The following KSR2 variants were observed in gnomAD, a reference collection of about 807,000 sequenced individuals.
The protein encoded by KSR2 is kinase suppressor of ras 2.
In KSR2, 25 loss-of-function variants were observed where a neutral mutation model predicts 107.8. That is an observed-to-expected ratio of 0.23 (90% CI 0.17 to 0.32). The LOEUF (loss-of-function observed/expected upper bound fraction) is 0.32, where lower values mean the gene tolerates loss of function less well. KSR2 is among the 10% of genes least tolerant of loss of function. The pLI, the probability that KSR2 is intolerant of heterozygous loss-of-function variation, is 1.00. For missense variants in KSR2, 887 were observed against 1,268.9 expected, an observed-to-expected ratio of 0.70 and a Z score of 4.57; for synonymous variants, 480 against 507.0, an observed-to-expected ratio of 0.95 and a Z score of 0.71.
chr12:117,508,253 T>C (rs1873821744), intron 14 of KSR2, among the ~76,000 whole-genome samples: 1 of 152,212 alleles, frequency 6.6e-6, no homozygotes, highest in Non-Finnish European at 1.5e-5. Flanking sequence ...ACCAGAATGA[T>C]GCTGACCACA....
chr12:117,966,649 G>GCACACACACA (rs1566104140), intron 1 of KSR2, among the ~76,000 whole-genome samples: 1 of 74,734 alleles, frequency 1.3e-5, no homozygotes, highest in Non-Finnish European at 3.3e-5. Context: ...ACACACACAT[G>GCACACACACA]CTGTCTCTCT....
intron 1 of KSR2, among the ~76,000 whole-genome samples, chr12:117,952,106 C>T (rs1896378613): frequency 6.6e-6 from 1 of 151,620 alleles, no homozygotes; most frequent in African/African-American, 2.4e-5. Context: ...GTTAATAATA[C>T]TATACTGCAT....
intron 3 of KSR2, among the ~76,000 whole-genome samples, chr12:117,794,199 GCA>G (rs1160593671): frequency 1.6e-5 from 1 of 62,738 alleles, no homozygotes; most frequent in Non-Finnish European, 2.9e-5. Context: ...CACACACCAT[GCA>G]CACATACACC....
rs1358410236 is a variant in KSR2, at chr12:117,458,833, A to G, written c.*8366T>C. On this transcript the variant is annotated 3_prime_UTR_variant, in exon 20 of 20. Coordinates refer to ENST00000339824, the MANE Select transcript of KSR2 (RefSeq NM_173598.6). ...TTTGAGCCTTCCATTCAGGGAAGAA[A>G]CCAAAGAGCAATTGGAGTCAGGCTC... 1.3e-5 allele frequency: 2 copies of G among 152,202 alleles called. No homozygotes were observed. The highest frequency in any genetic ancestry group is 4.8e-5 in the African/African-American group (2 of 41,448). 9.4% of individuals were successfully genotyped at this position (152,202 alleles called of 1,614,324 possible). A position where few individuals can be genotyped will look rare whatever the true frequency, so the allele number is the denominator to read the frequency against.
intron 7 of KSR2, among the ~76,000 whole-genome samples, chr12:117,578,559 A>C (rs1879430395): frequency 6.9e-6 from 1 of 144,906 alleles, no homozygotes; most frequent in African/African-American, 2.6e-5. Context: ...CCAAGATCAC[A>C]CCACTGCACT....
chr12:117,549,065 C>T (rs892815277), intron 9 of KSR2, among the ~76,000 whole-genome samples: 4 of 152,194 alleles, frequency 2.6e-5, no homozygotes. Flanking sequence ...AACCACCTGC[C>T]ACGCAAGACC....
chr12:117,913,276 G>C (rs1406145321), intron 1 of KSR2, among the ~76,000 whole-genome samples: 1 of 152,198 alleles, frequency 6.6e-6, no homozygotes, highest in Middle Eastern at 3.4e-3. Context: ...TAAGGGAAGC[G>C]TAAGAGGTCC....
intron 3 of KSR2, among the ~76,000 whole-genome samples, chr12:117,786,275 G>A (rs1342773174): frequency 6.6e-6 from 1 of 152,044 alleles, no homozygotes; most frequent in African/African-American, 2.4e-5. Flanking sequence ...CATTCAAGCT[G>A]TCCCACTCAC....
chr12:117,467,650 T>C (rs1255441057), intron 19 of KSR2, among the ~76,000 whole-genome samples: 2 of 152,160 alleles, frequency 1.3e-5, no homozygotes, highest in African/African-American at 4.8e-5. Context: ...GATAAAGCTC[T>C]GTAACAGCTA....
In KSR2 at chr12:117,567,239, G is replaced by A. The variant is rs571707788; in HGVS notation, c.1326-8666C>T. Among the ~76,000 whole-genome samples the A allele has an allele frequency of 3.3e-5, 5 of 152,302 alleles. No homozygotes were observed. The South Asian group carries it at 1.0e-3, about 32-fold the overall frequency. ...GGAAGGCTTCCCGGAGGGAAGTGGTGGCTGAGCTGAGCTTGAAAGATAAAT... is the reference window on the plus strand; with the variant it reads ...GGAAGGCTTCCCGGAGGGAAGTGGTAGCTGAGCTGAGCTTGAAAGATAAAT... On this transcript the variant is annotated intron_variant, in intron 7 of 19. Transcript: ENST00000339824.
chr12:117,654,794 C>A (rs1884064609), intron 5 of KSR2, among the ~76,000 whole-genome samples: 1 of 152,166 alleles, frequency 6.6e-6, no homozygotes, highest in Non-Finnish European at 1.5e-5. Context: ...AACGGGTGAC[C>A]TCAGTGGAAG....
intron 1 of KSR2, among the ~76,000 whole-genome samples, chr12:117,923,402 T>C (rs1021338750): frequency 1.3e-5 from 2 of 152,336 alleles, no homozygotes; most frequent in East Asian, 1.9e-4. Flanking sequence ...ATAACTGCCA[T>C]GATGCCAGAT....
chr12:117,471,048 C>T (rs1871422445), intron 18 of KSR2, 143 bp downstream of exon 18: 3 of 960,132 alleles, frequency 3.1e-6, no homozygotes, highest in Non-Finnish European at 4.4e-6. Flanking sequence ...CTTCAAACTG[C>T]CATCTGACAA....
intron 9 of KSR2, among the ~76,000 whole-genome samples, chr12:117,541,690 T>C (rs2137290650): frequency 6.6e-6 from 1 of 151,586 alleles, no homozygotes; most frequent in South Asian, 2.1e-4. Flanking sequence ...ACTCCAAGAG[T>C]AGGTGTGGCG....
chr12:117,506,254 C>G (rs999867709), intron 14 of KSR2, among the ~76,000 whole-genome samples: 1 of 152,152 alleles, frequency 6.6e-6, no homozygotes, highest in Non-Finnish European at 1.5e-5. Context: ...AGCTAAATAT[C>G]AAGGCTTTCA....
chr12:117,916,127 T>G (rs1895163437), intron 1 of KSR2, among the ~76,000 whole-genome samples: 1 of 136,612 alleles, frequency 7.3e-6, no homozygotes, highest in Non-Finnish European at 1.5e-5. Flanking sequence ...GAGTTTTTAT[T>G]TCTTCTTCTT....
intron 1 of KSR2, among the ~76,000 whole-genome samples, chr12:117,866,656 C>A (rs1893479869): frequency 6.6e-6 from 1 of 151,848 alleles, no homozygotes; most frequent in Non-Finnish European, 1.5e-5. Flanking sequence ...ATAGAGAAAC[C>A]CCATCTCTAC....
At chr12:117,546,933 T>C (rs1876911384) in intron 9 of KSR2, among the ~76,000 whole-genome samples, 1 of 152,260 alleles carries the variant, frequency 6.6e-6, no homozygotes, top group South Asian at 2.1e-4. Flanking sequence ...AGTATTTTTA[T>C]AATGAATGCT....
At chr12:117,783,903 C>T (rs1303056139) in intron 3 of KSR2, among the ~76,000 whole-genome samples, 1 of 152,140 alleles carries the variant, frequency 6.6e-6, no homozygotes, top group Non-Finnish European at 1.5e-5. Flanking sequence ...CACAAAACTG[C>T]ACTCATATGA....
Sources: gnomAD v4.1 joint callset for allele counts (sites outside exome capture counted in the v4.1 genomes callset) on GRCh38, gnomAD v4.1.1 for gene constraint, MANE v1.5 for transcripts, NCBI Gene and HGNC (gene_info 2026-07-23, HGNC 2026-07-21) for gene names.